The following GREB1L variants were observed in gnomAD, a reference collection of about 807,000 sequenced individuals.
The protein encoded by GREB1L is GREB1-like protein.
Under a neutral mutation model 200.8 loss-of-function variants are expected in GREB1L, and 17 were observed. The ratio of observed to expected loss-of-function variants is 0.08; its 90% CI spans 0.06 to 0.13. The LOEUF (loss-of-function observed/expected upper bound fraction) is 0.13. Ranked by LOEUF, GREB1L falls within the 10% of genes least tolerant of loss-of-function variation. The probability of loss-of-function intolerance (pLI) is 1.00; values close to 1 mark genes in which losing one functional copy is unlikely to be tolerated. For synonymous variants in GREB1L, 789 were observed against 893.0 expected (o/e 0.88, Z 2.08); for missense variants, 1,657 against 2,367.7 (o/e 0.70, Z 6.23).
chr18:21,371,500 G>A (rs1598707539), intron 2 of GREB1L, among the ~76,000 whole-genome samples: 1 of 146,112 alleles, frequency 6.8e-6, no homozygotes, highest in South Asian at 2.2e-4. Context: ...AAAAATGGTT[G>A]CTACTGGCCA....
At chr18:21,357,065 A>G (rs1471614630) in intron 1 of GREB1L, among the ~76,000 whole-genome samples, 2 of 151,786 alleles carry the variant, frequency 1.3e-5, no homozygotes, top group African/African-American at 4.8e-5. Context: ...TTATTTATTT[A>G]TTTATTTGAG....
chr18:21,468,643 A>G (rs1278179792), intron 15 of GREB1L: 2 of 449,716 alleles, frequency 4.4e-6, no homozygotes, highest in African/African-American at 2.0e-5. Context: ...TACAATTATC[A>G]GAGCAGGAAC....
chr18:21,242,661 C>G (rs1289692454), intron 1 of GREB1L, among the ~76,000 whole-genome samples: 1 of 152,164 alleles, frequency 6.6e-6, no homozygotes, highest in Non-Finnish European at 1.5e-5. Context: ...ACCGAAGGGA[C>G]CCGGCCGTGC....
In GREB1L at chr18:21,395,427, G is replaced by A. The variant is rs1295521184; in HGVS notation, c.398G>A (p.Cys133Tyr). 1.3e-6 allele frequency: 2 copies of A among 1,551,212 alleles called. No homozygotes were observed. Among genetic ancestry groups the A allele is most frequent in the East Asian group, 2.4e-5 (1 of 40,878 alleles). Residue 133 changes from cysteine (C) to tyrosine (Y), a missense_variant, in exon 5 of 33, where the codon TGT becomes TAT. This residue lies in a region of GREB1L where 70 missense variants were observed against 151.3 expected (regional missense o/e 0.46). Transcript: ENST00000424526. The part of the protein sequence containing the change: ...AGKDLRLVSL[C>Y]MEQIDIPAGF... ...AAGGATTTGCGTTTGGTATCACTGTGTATGGAACAAATTGACATCCCAGCA... is the reference window on the plus strand; with the variant it reads ...AAGGATTTGCGTTTGGTATCACTGTATATGGAACAAATTGACATCCCAGCA...
At chr18:21,335,778 C>T (rs1218609372) in intron 1 of GREB1L, among the ~76,000 whole-genome samples, 1 of 151,934 alleles carries the variant, frequency 6.6e-6, no homozygotes, top group Non-Finnish European at 1.5e-5. Flanking sequence ...ATTCTCCTGC[C>T]TCAGCCTCCC....
intron 1 of GREB1L, among the ~76,000 whole-genome samples, chr18:21,272,155 C>T (rs1390590889): frequency 6.6e-6 from 1 of 152,220 alleles, no homozygotes; most frequent in African/African-American, 2.4e-5. Flanking sequence ...ATTACTTGCT[C>T]ATGCTGTAGT....
At chr18:21,409,859 T>C (rs2144671993) in intron 7 of GREB1L, among the ~76,000 whole-genome samples, 1 of 152,282 alleles carries the variant, frequency 6.6e-6, no homozygotes, top group Non-Finnish European at 1.5e-5. Context: ...TTAGCCTTGC[T>C]ACCACACTTC....
chr18:21,502,760 G>A (rs568997567), intron 23 of GREB1L, among the ~76,000 whole-genome samples: 1 of 152,292 alleles, frequency 6.6e-6, no homozygotes, highest in South Asian at 2.1e-4. Flanking sequence ...CCAGAGCCAA[G>A]CAGACCGGGA....
intron 2 of GREB1L, among the ~76,000 whole-genome samples, chr18:21,378,339 G>A (rs562450855): frequency 6.6e-6 from 1 of 152,132 alleles, no homozygotes; most frequent in South Asian, 2.1e-4. Flanking sequence ...AATTAAGTCT[G>A]GGGTCAGTTA....
At position 21,372,128 on chromosome 18, in the gene GREB1L, G is replaced by A. The variant is rs114764426; in HGVS notation, c.-10+5992G>A. Reference sequence around the variant, plus strand: ...AAAGAAAAAGGTAATAGAAAACTACGAAGTTATACAAATTTGTCTCTCTTT... The same window carrying A: ...AAAGAAAAAGGTAATAGAAAACTACAAAGTTATACAAATTTGTCTCTCTTT... On this transcript the variant is annotated intron_variant, in intron 2 of 32. Transcript: ENST00000424526. 3.0e-3 allele frequency among the ~76,000 whole-genome samples: 452 copies of A among 151,366 alleles called. 2 individuals are homozygous for A. The highest frequency in any genetic ancestry group is 4.5e-3 in the Non-Finnish European group (307 of 67,858).
chr18:21,454,303 A>C, intron 14 of GREB1L, 63 bp from the exon 15 acceptor site: 120 of 972,224 alleles, frequency 1.2e-4, no homozygotes, highest in Non-Finnish European at 1.7e-4. Flanking sequence ...CCTCATAGAG[A>C]TTCACAGTGG....
chr18:21,489,862 A>C, intron 18 of GREB1L, 150 bp from the exon 19 acceptor site: 1 of 623,814 alleles, frequency 1.6e-6, no homozygotes. Context: ...CCAGTGATGT[A>C]GGATCCCAGG....
At chr18:21,464,720 ACATTATGTG>A (rs1211888533) in intron 15 of GREB1L, among the ~76,000 whole-genome samples, 3 of 152,150 alleles carry the variant, frequency 2.0e-5, no homozygotes, top group Non-Finnish European at 4.4e-5. Context: ...AGACAAACTG[ACATTATGTG>A]CAAAAAAGCA....
At chr18:21,485,408 A>G in intron 17 of GREB1L, 1 of 440,388 alleles carries the variant, frequency 2.3e-6, no homozygotes, top group Admixed American at 4.0e-5. Context: ...CACTAATCAC[A>G]TATTCAGTTC....
intron 1 of GREB1L, among the ~76,000 whole-genome samples, chr18:21,275,299 G>C (rs756853690): frequency 2.1e-4 from 32 of 152,204 alleles, no homozygotes; most frequent in Non-Finnish European, 3.7e-4. Flanking sequence ...AACTAAACTA[G>C]TTGAGAGAAA....
At chr18:21,414,284 T>G (rs2031400003) in intron 7 of GREB1L, among the ~76,000 whole-genome samples, 1 of 152,186 alleles carries the variant, frequency 6.6e-6, no homozygotes, top group Non-Finnish European at 1.5e-5. Context: ...AAATGATTTT[T>G]TGTCATATCA....
intron 5 of GREB1L, among the ~76,000 whole-genome samples, chr18:21,397,626 G>C (rs1283749706): frequency 6.6e-6 from 1 of 152,084 alleles, no homozygotes; most frequent in African/African-American, 2.4e-5. Flanking sequence ...GCGTGAACCC[G>C]GGAGGTGGAG....
chr18:21,440,220 G>A (rs2033820609), intron 8 of GREB1L, 49 bp from the exon 9 acceptor site: 1 of 1,541,238 alleles, frequency 6.5e-7, no homozygotes, highest in Non-Finnish European at 8.8e-7. Flanking sequence ...TCTTCCACAT[G>A]GCTGAGAACA....
At chr18:21,393,222 G>T (rs2040900502) in intron 4 of GREB1L, among the ~76,000 whole-genome samples, 1 of 152,204 alleles carries the variant, frequency 6.6e-6, no homozygotes, top group Admixed American at 6.5e-5. Flanking sequence ...ATTGGGCAAT[G>T]ATAATGGTGC....
Sources: gnomAD v4.1 joint callset for allele counts (sites outside exome capture counted in the v4.1 genomes callset) on GRCh38, gnomAD v4.1.1 for gene constraint, gnomAD v4.1.1 regional missense constraint, MANE v1.5 for transcripts, NCBI Gene and HGNC (gene_info 2026-07-23, HGNC 2026-07-21) for gene names.